The following C4orf36 variants were observed in gnomAD, a reference collection of about 807,000 sequenced individuals.
C4orf36 encodes uncharacterized protein C4orf36.
A neutral mutation model predicts 12.2 loss-of-function variants in C4orf36; 11 were observed. That is an observed-to-expected ratio of 0.90 (90% CI 0.57 to 1.49). C4orf36 has a LOEUF of 1.49. Ranked by LOEUF, C4orf36 falls within the 40% of genes most tolerant of loss-of-function variation. The probability of loss-of-function intolerance (pLI) is 0.00; values close to 1 mark genes in which losing one functional copy is unlikely to be tolerated. For synonymous variants in C4orf36, 54 were observed against 51.3 expected (o/e 1.05, Z -0.22); for missense variants, 137 against 133.9 (o/e 1.02, Z -0.11).
the C4orf36 span, chr4:86,933,499 C>A: frequency 6.6e-6 from 1 of 152,140 alleles, no homozygotes; most frequent in African/African-American, 2.4e-5. Context: ...CTGTCAACAT[C>A]ATTTACTAAG....
At chr4:86,881,564 G>A (rs1162820764) in intron 4 of C4orf36, among the ~76,000 whole-genome samples, 3 of 151,942 alleles carry the variant, frequency 2.0e-5, no homozygotes, top group Non-Finnish European at 4.4e-5. Context: ...GCCCCAGCCT[G>A]GGCAACAGAG....
chr4:86,901,575 T>C, the C4orf36 span, among the ~76,000 whole-genome samples: 1 of 106,300 alleles, frequency 9.4e-6, no homozygotes, highest in African/African-American at 3.1e-5. Context: ...ACCCGGCTAA[T>C]TTTTTTTTTG....
the C4orf36 span, among the ~76,000 whole-genome samples, chr4:86,917,472 GAAAT>G: frequency 7.7e-5 from 11 of 143,538 alleles, no homozygotes; most frequent in African/African-American, 1.5e-4. Context: ...AGAAAAGAAA[GAAAT>G]AAAGAAAAAG....
upstream of C4orf36, among the ~76,000 whole-genome samples, chr4:86,897,092 G>A (rs991026005): frequency 5.3e-5 from 8 of 152,126 alleles, no homozygotes; most frequent in South Asian, 6.2e-4. Flanking sequence ...CAGACACAGC[G>A]GCTCATTCCT....
At chr4:86,908,047 G>T in the C4orf36 span, among the ~76,000 whole-genome samples, 1 of 151,916 alleles carries the variant, frequency 6.6e-6, no homozygotes, top group Non-Finnish European at 1.5e-5. Context: ...CAACACATTT[G>T]CTCCCTACTC....
the C4orf36 span, among the ~76,000 whole-genome samples, chr4:86,900,083 T>G: frequency 6.6e-6 from 1 of 151,988 alleles, no homozygotes. Flanking sequence ...CCGCCCAGGC[T>G]GGAGTGCAGT....
chr4:86,908,109 A>G, the C4orf36 span, among the ~76,000 whole-genome samples: 1 of 152,140 alleles, frequency 6.6e-6, no homozygotes, highest in African/African-American at 2.4e-5. Flanking sequence ...TAGATGCTCA[A>G]TAAGTATCTG....
the C4orf36 span, chr4:86,913,936 T>C: frequency 1.4e-6 from 2 of 1,435,442 alleles, no homozygotes; most frequent in African/African-American, 1.4e-5. Flanking sequence ...GCCATTCTCC[T>C]GCCTCAGCCT....
chr4:86,898,794 T>C, the C4orf36 span, among the ~76,000 whole-genome samples: 1 of 152,044 alleles, frequency 6.6e-6, no homozygotes, highest in Non-Finnish European at 1.5e-5. Flanking sequence ...CCCTTCAGCC[T>C]GGGCAACATA....
At chr4:86,902,260 C>CA in the C4orf36 span, among the ~76,000 whole-genome samples, 3 of 151,416 alleles carry the variant, frequency 2.0e-5, no homozygotes, top group Admixed American at 2.0e-4. Context: ...ATCTCTTTTA[C>CA]AAAAAAATTA....
chr4:86,902,050 T>C, the C4orf36 span, among the ~76,000 whole-genome samples: 28 of 152,128 alleles, frequency 1.8e-4, no homozygotes, highest in East Asian at 7.7e-4. Flanking sequence ...CATGTGACCA[T>C]AGAGGCGAGC....
At chr4:86,908,797 G>T in the C4orf36 span, among the ~76,000 whole-genome samples, 2 of 151,946 alleles carry the variant, frequency 1.3e-5, no homozygotes, top group African/African-American at 4.8e-5. Context: ...GAGAATTCAG[G>T]GTCTGAATTC....
the C4orf36 span, among the ~76,000 whole-genome samples, chr4:86,931,476 G>A: frequency 2.0e-5 from 3 of 152,006 alleles, no homozygotes; most frequent in South Asian, 2.1e-4. Context: ...ATACCTCAAC[G>A]CATCCTCGAC....
chr4:86,876,780 T>A (rs1746938687), intron 4 of C4orf36: 11 of 1,387,530 alleles, frequency 7.9e-6, no homozygotes, highest in Non-Finnish European at 9.6e-6. Flanking sequence ...GGTTGCAATT[T>A]TAAAATAAAA....
At chr4:86,904,621 C>T in the C4orf36 span, among the ~76,000 whole-genome samples, 3 of 147,184 alleles carry the variant, frequency 2.0e-5, no homozygotes, top group African/African-American at 7.5e-5. Flanking sequence ...AAGCTGGCAG[C>T]AGTGGTGTAC....
At position 86,891,578 on chromosome 4, in the gene C4orf36, ACT is replaced by A. The variant is rs113950284; in HGVS notation, c.-60_-59del. 329 of 1,610,844 alleles carry A rather than the reference ACT, an allele frequency of 2.0e-4. 2 individuals carry two copies. The African/African-American group carries it at 3.8e-3, about 18-fold the overall frequency. On this transcript the variant is annotated 5_prime_UTR_variant, in exon 2 of 5. Coordinates refer to ENST00000295898, the MANE Select transcript of C4orf36 (RefSeq NM_144645.4). ...GGTGCCTGATGGAATGTCACAGATA[ACT>A]CTGTTCACTTTACCTGAAATGATGG...
chr4:86,922,639 T>C, the C4orf36 span, among the ~76,000 whole-genome samples: 1 of 152,186 alleles, frequency 6.6e-6, no homozygotes, highest in Admixed American at 6.5e-5. Context: ...TTTGTTCTTA[T>C]GGTGTCACCT....
At chr4:86,926,770 GTATGTT>G in the C4orf36 span, among the ~76,000 whole-genome samples, 1 of 152,078 alleles carries the variant, frequency 6.6e-6, no homozygotes, top group Non-Finnish European at 1.5e-5. Context: ...CATTCTCAGG[GTATGTT>G]TATGTTATTG....
At chr4:86,908,164 AACATACACAC>A in the C4orf36 span, among the ~76,000 whole-genome samples, 6 of 92,670 alleles carry the variant, frequency 6.5e-5, no homozygotes, top group South Asian at 4.5e-4. Flanking sequence ...CTATACTTTC[AACATACACAC>A]ACACACACAC....
Sources: allele counts gnomAD v4.1 joint callset (sites outside exome capture counted in the v4.1 genomes callset), GRCh38; gene constraint gnomAD v4.1.1; transcripts MANE v1.5; gene names NCBI Gene and HGNC (gene_info 2026-07-23, HGNC 2026-07-21).